Variants in PM20D2 observed in about 807,000 individuals in gnomAD.
PM20D2 encodes the protein xaa-Arg dipeptidase.
Under a neutral mutation model 42.9 loss-of-function variants are expected in PM20D2, and 33 were observed. The ratio of observed to expected loss-of-function variants is 0.77; its 90% confidence interval spans 0.58 to 1.03. The LOEUF is 1.03. Ranked by LOEUF, PM20D2 falls within the 50% of genes least tolerant of loss-of-function variation. The probability of loss-of-function intolerance (pLI) is 0.00; values close to 1 mark genes in which losing one functional copy is unlikely to be tolerated. For missense variants in PM20D2, 548 were observed against 557.0 expected (o/e 0.98, Z 0.16); for synonymous variants, 250 against 228.2 (o/e 1.10, Z -0.86).
chr6:89,112,832 T>A, the PM20D2 span, among the ~76,000 whole-genome samples: 1 of 152,346 alleles, frequency 6.6e-6, no homozygotes, highest in Admixed American at 6.5e-5. Flanking sequence ...CATAATCTTA[T>A]AACAAAGCTG....
At chr6:89,104,822 G>A in the PM20D2 span, among the ~76,000 whole-genome samples, 1 of 152,116 alleles carries the variant, frequency 6.6e-6, no homozygotes, top group African/African-American at 2.4e-5. Flanking sequence ...GGAGCCTGAG[G>A]TGGGAGGAAC....
At chr6:89,137,266 G>A in the PM20D2 span, among the ~76,000 whole-genome samples, 1,021 of 152,244 alleles carry the variant, frequency 6.7e-3, 19 homozygotes, top group East Asian at 0.049. Flanking sequence ...GCTCACACCT[G>A]GAATCTCAAC....
chr6:89,109,406 C>T, the PM20D2 span, among the ~76,000 whole-genome samples: 12 of 152,060 alleles, frequency 7.9e-5, no homozygotes, highest in South Asian at 4.1e-4. Context: ...AAAAAGAATA[C>T]ATTACTGTTA....
In PM20D2 at chr6:89,161,897, G is replaced by A; in HGVS notation, c.1156+7G>A. The A allele has an allele frequency of 1.9e-6, 3 of 1,594,758 alleles. No individual in the cohort carries two copies. The highest frequency in any genetic ancestry group is 2.6e-6 in the Non-Finnish European group (3 of 1,162,640). On this transcript the variant is annotated splice_region_variant and intron_variant, in intron 6 of 6. Transcript: ENST00000275072. ...CAGTACACTGAAGCTGCTGGTAAGTGTTGTTGGATGTGACTGTTTTGGCAC... is the reference window on the plus strand; with the variant it reads ...CAGTACACTGAAGCTGCTGGTAAGTATTGTTGGATGTGACTGTTTTGGCAC...
chr6:89,124,733 G>GTTT, the PM20D2 span, among the ~76,000 whole-genome samples: 188 of 79,590 alleles, frequency 2.4e-3, 4 homozygotes, highest in African/African-American at 0.011. Context: ...TGTTGCTGTT[G>GTTT]TTGTTTTTTT....
the PM20D2 span, among the ~76,000 whole-genome samples, chr6:89,100,512 CAT>C: frequency 6.9e-4 from 68 of 98,454 alleles, no homozygotes; most frequent in African/African-American, 1.7e-3. Context: ...TCCATGTCCA[CAT>C]GTTATGTTAA....
the PM20D2 span, chr6:89,107,067 A>T: frequency 2.5e-6 from 3 of 1,219,878 alleles, no homozygotes; most frequent in South Asian, 3.7e-5. Context: ...AGGCAATATT[A>T]ATCTCATAAC....
the PM20D2 span, among the ~76,000 whole-genome samples, chr6:89,104,703 G>C: frequency 6.6e-6 from 1 of 151,996 alleles, no homozygotes; most frequent in Non-Finnish European, 1.5e-5. Context: ...AACAAAAATT[G>C]ATTATGTTTG....
chr6:89,113,126 T>G, the PM20D2 span, among the ~76,000 whole-genome samples: 1 of 152,216 alleles, frequency 6.6e-6, no homozygotes, highest in African/African-American at 2.4e-5. Flanking sequence ...GTAACTGAAA[T>G]CATGCTGCAT....
chr6:89,120,215 G>A, the PM20D2 span, among the ~76,000 whole-genome samples: 10 of 152,156 alleles, frequency 6.6e-5, no homozygotes, highest in Non-Finnish European at 1.3e-4. Flanking sequence ...TGAAATTTGG[G>A]TGGGGACAGA....
chr6:89,124,430 T>C, the PM20D2 span, among the ~76,000 whole-genome samples: 2 of 152,176 alleles, frequency 1.3e-5, no homozygotes, highest in African/African-American at 4.8e-5. Context: ...TGTAAATAAG[T>C]CATTATAATA....
At chr6:89,140,089 C>T in the PM20D2 span, among the ~76,000 whole-genome samples, 9 of 152,086 alleles carry the variant, frequency 5.9e-5, no homozygotes, top group Non-Finnish European at 1.3e-4. Context: ...GCACATACCA[C>T]CACACCCAGC....
intron 4 of PM20D2, among the ~76,000 whole-genome samples, chr6:89,156,851 G>T (rs1338582580): frequency 6.6e-6 from 1 of 152,166 alleles, no homozygotes; most frequent in East Asian, 1.9e-4. Context: ...TAGGAGCAAA[G>T]ATGTATTCTC....
the PM20D2 span, among the ~76,000 whole-genome samples, chr6:89,140,845 C>A: frequency 6.6e-6 from 1 of 152,186 alleles, no homozygotes; most frequent in Non-Finnish European, 1.5e-5. Context: ...TCACTGCCTT[C>A]ACTTTGTGGG....
the PM20D2 span, among the ~76,000 whole-genome samples, chr6:89,109,531 C>A: frequency 2.0e-5 from 3 of 152,168 alleles, no homozygotes; most frequent in African/African-American, 7.2e-5. Context: ...CCAATCCCAT[C>A]AACCAAATGT....
the PM20D2 span, chr6:89,117,853 A>G: frequency 6.4e-7 from 1 of 1,561,696 alleles, no homozygotes; most frequent in Non-Finnish European, 8.6e-7. Flanking sequence ...CCTGATGAAC[A>G]GGGAGGTGTT....
chr6:89,116,178 T>A, the PM20D2 span, among the ~76,000 whole-genome samples: 1 of 152,220 alleles, frequency 6.6e-6, no homozygotes, highest in Non-Finnish European at 1.5e-5. Context: ...CTGTGCCTTA[T>A]AGGCTGGCAG....
At chr6:89,113,934 T>A in the PM20D2 span, among the ~76,000 whole-genome samples, 5 of 152,218 alleles carry the variant, frequency 3.3e-5, no homozygotes, top group Admixed American at 3.3e-4. Context: ...TGAGCCACTG[T>A]GCCCTATCTT....
At position 89,153,161 on chromosome 6, in the gene PM20D2, A is replaced by G. The variant is rs1313568390; in HGVS notation, c.733A>G (p.Met245Val). 6.2e-7 allele frequency: 1 copy of G among 1,607,490 alleles called. No homozygotes were observed. Among genetic ancestry groups the G allele is most frequent in the African/African-American group, 1.3e-5 (1 of 74,708 alleles). Reference protein sequence around the residue: ...YNNLSVFRQQMKPTWRVHGII... With the variant: ...YNNLSVFRQQVKPTWRVHGII... ...CAATCTGTCTGTGTTCAGACAGCAA[A>G]TGAAACCAACCTGGAGAGTTCATGG... is the stretch of plus-strand genomic sequence containing the variant. The change falls in exon 3 of 7, where the codon ATG becomes GTG. Residue 245 changes from methionine to valine, a missense_variant. Met to Val is a conservative substitution (Grantham distance 21). Around this residue, in one of 3 missense-constraint regions of PM20D2, gnomAD observed 470 missense variants for 464.4 expected, o/e 1.01. Coordinates refer to ENST00000275072, the MANE Select transcript of PM20D2 (RefSeq NM_001010853.3).
Sources: gnomAD v4.1 joint callset for allele counts (sites outside exome capture counted in the v4.1 genomes callset) on GRCh38, gnomAD v4.1.1 for gene constraint, gnomAD v4.1.1 regional missense constraint, MANE v1.5 for transcripts, NCBI Gene and HGNC (gene_info 2026-07-23, HGNC 2026-07-21) for gene names.